The following B3GALT1 variants were observed in gnomAD, a reference collection of about 807,000 sequenced individuals.
The protein encoded by B3GALT1 is beta-1,3-galactosyltransferase 1, also known as UDP-Gal:betaGlcNAc beta 1,3-galactosyltransferase, polypeptide 1.
A neutral mutation model predicts 23.2 loss-of-function variants in B3GALT1; 10 were observed. The ratio of observed to expected loss-of-function variants is 0.43; its 90% CI spans 0.27 to 0.73. The LOEUF (loss-of-function observed/expected upper bound fraction) is 0.73, where lower values mean the gene tolerates loss of function less well. Among genes scored for constraint, B3GALT1 ranks in the 30% least tolerant of loss-of-function variants. B3GALT1 has a pLI of 0.21. For missense variants in B3GALT1, 299 were observed against 405.4 expected, an observed-to-expected ratio of 0.74 and a Z score of 2.25; for synonymous variants, 156 against 141.5, an observed-to-expected ratio of 1.10 and a Z score of -0.73.
chr2:167,402,496 G>A (rs1698208673), intron 1 of B3GALT1, among the ~76,000 whole-genome samples: 1 of 152,032 alleles, frequency 6.6e-6, no homozygotes, highest in African/African-American at 2.4e-5. Context: ...ATGAGAAATT[G>A]GTTGCAAGTT....
intron 1 of B3GALT1, among the ~76,000 whole-genome samples, chr2:167,483,628 GGAGA>G (rs1699587851): frequency 1.3e-5 from 2 of 152,094 alleles, no homozygotes; most frequent in African/African-American, 4.8e-5. Context: ...AGGTTGCAGT[GGAGA>G]GAAAGATCAG....
intron 1 of B3GALT1, among the ~76,000 whole-genome samples, chr2:167,468,858 G>C (rs1251470464): frequency 6.6e-6 from 1 of 152,140 alleles, no homozygotes; most frequent in Non-Finnish European, 1.5e-5. Flanking sequence ...ACAACAGAAT[G>C]AGACTCCATC....
intron 3 of B3GALT1, among the ~76,000 whole-genome samples, chr2:167,768,137 C>A (rs1688008654): frequency 6.6e-6 from 1 of 152,226 alleles, no homozygotes; most frequent in South Asian, 2.1e-4. Flanking sequence ...CAGTGCTGAT[C>A]TCTCTGTCAG....
At chr2:167,495,313 C>T (rs1464990214) in intron 2 of B3GALT1, among the ~76,000 whole-genome samples, 3 of 148,760 alleles carry the variant, frequency 2.0e-5, no homozygotes, top group African/African-American at 7.4e-5. Flanking sequence ...GCTTTTTTCG[C>T]CAGCTTGCTT....
At chr2:167,380,605 A>G (rs1486423421) in intron 1 of B3GALT1, among the ~76,000 whole-genome samples, 1 of 152,136 alleles carries the variant, frequency 6.6e-6, no homozygotes, top group Non-Finnish European at 1.5e-5. Context: ...ATGCACCCAG[A>G]TTAAAAATGG....
chr2:167,333,158 G>A (rs115172906), intron 1 of B3GALT1, among the ~76,000 whole-genome samples: 2,036 of 152,162 alleles, frequency 0.013, 28 homozygotes, highest in South Asian at 0.038. Flanking sequence ...AAACTCACAA[G>A]GACAAAAACA....
Position 167,411,887 on chromosome 2 carries a change from A to G in B3GALT1, c.-510-78290A>G, listed in dbSNP as rs79071247. Among the ~76,000 whole-genome samples, 171 of 152,326 alleles carry G rather than the reference A, an allele frequency of 1.1e-3. 1 individual carries two copies. In the East Asian group the frequency reaches 0.03, roughly 27 times the overall value. ...GTTATGCAGCCATAAAACAAATGAA[A>G]TACTGTCATTTGCAGCAACATGGAT... On this transcript the variant is annotated intron_variant, in intron 1 of 4. Coordinates refer to ENST00000392690, the MANE Select transcript of B3GALT1 (RefSeq NM_020981.4).
At chr2:167,424,568 T>C (rs1239291630) in intron 1 of B3GALT1, among the ~76,000 whole-genome samples, 2 of 152,080 alleles carry the variant, frequency 1.3e-5, no homozygotes, top group African/African-American at 4.8e-5. Context: ...TGTGTTTGTG[T>C]GTGTGTGTTT....
chr2:167,338,890 T>G (rs1341679857), intron 1 of B3GALT1, among the ~76,000 whole-genome samples: 1 of 152,102 alleles, frequency 6.6e-6, no homozygotes, highest in Non-Finnish European at 1.5e-5. Flanking sequence ...AATCCTCCAA[T>G]AAATAAATAT....
At chr2:167,624,525 A>T (rs1229476041) in intron 2 of B3GALT1, among the ~76,000 whole-genome samples, 1 of 152,100 alleles carries the variant, frequency 6.6e-6, no homozygotes, top group Non-Finnish European at 1.5e-5. Flanking sequence ...TTTGTGACAG[A>T]CATGAGCGTT....
In B3GALT1 at chr2:167,670,216, C is replaced by T. The variant is rs76293008; in HGVS notation, c.-352+23250C>T. ...TTGGAAGAAGGTGTCTAACCTGGAACACTTCAGAGCACTACCCTAGGAAAA... is the reference window on the plus strand; with the variant it reads ...TTGGAAGAAGGTGTCTAACCTGGAATACTTCAGAGCACTACCCTAGGAAAA... On this transcript the variant is annotated intron_variant, in intron 3 of 4. Transcript: ENST00000392690. Among the ~76,000 whole-genome samples the T allele has an allele frequency of 6.5e-3, 994 of 152,290 alleles. 9 individuals carry two copies. Among genetic ancestry groups the T allele is most frequent in the African/African-American group, 0.023 (944 of 41,568 alleles).
chr2:167,327,954 CTTTTT>C (rs1696919924), intron 1 of B3GALT1, among the ~76,000 whole-genome samples: 1 of 152,128 alleles, frequency 6.6e-6, no homozygotes, highest in Non-Finnish European at 1.5e-5. Context: ...TCATCAAATA[CTTTTT>C]CTGCATCTAT....
chr2:167,313,393 G>C (rs1017946278), intron 1 of B3GALT1, among the ~76,000 whole-genome samples: 1 of 152,120 alleles, frequency 6.6e-6, no homozygotes, highest in African/African-American at 2.4e-5. Flanking sequence ...TCTTGACTAT[G>C]ACCAATGTGT....
chr2:167,787,390 A>T (rs1002436881), intron 3 of B3GALT1, among the ~76,000 whole-genome samples: 1 of 152,238 alleles, frequency 6.6e-6, no homozygotes, highest in Non-Finnish European at 1.5e-5. Context: ...CTCATCAGAA[A>T]TGAACAAACT....
chr2:167,339,663 G>A (rs1697117262), intron 1 of B3GALT1, among the ~76,000 whole-genome samples: 1 of 152,082 alleles, frequency 6.6e-6, no homozygotes, highest in Admixed American at 6.6e-5. Flanking sequence ...TCTAACATAA[G>A]CAAATGAATG....
chr2:167,862,539 C>G (rs1486559484), intron 4 of B3GALT1, among the ~76,000 whole-genome samples: 1 of 152,298 alleles, frequency 6.6e-6, no homozygotes, highest in African/African-American at 2.4e-5. Flanking sequence ...AACACCCTCA[C>G]AGACACACCC....
intron 2 of B3GALT1, among the ~76,000 whole-genome samples, chr2:167,584,808 A>G (rs1684559114): frequency 6.6e-6 from 1 of 152,200 alleles, no homozygotes; most frequent in Non-Finnish European, 1.5e-5. Flanking sequence ...GGAAAGGGGC[A>G]CGGAGCTTAC....
At chr2:167,293,638 C>A (rs1696295063) in intron 1 of B3GALT1, among the ~76,000 whole-genome samples, 1 of 152,166 alleles carries the variant, frequency 6.6e-6, no homozygotes, top group African/African-American at 2.4e-5. Context: ...CTCTGCGTGG[C>A]CCGACGTCCT....
At chr2:167,315,280 A>G (rs971611667) in intron 1 of B3GALT1, among the ~76,000 whole-genome samples, 4 of 152,148 alleles carry the variant, frequency 2.6e-5, no homozygotes, top group African/African-American at 7.2e-5. Flanking sequence ...AGAGTTGTTA[A>G]TCTATACCCA....
Sources: allele counts gnomAD v4.1 joint callset (sites outside exome capture counted in the v4.1 genomes callset), GRCh38; gene constraint gnomAD v4.1.1; transcripts MANE v1.5; gene names NCBI Gene and HGNC (gene_info 2026-07-23, HGNC 2026-07-21).